The following RAPH1 variants were observed in gnomAD, a reference collection of about 807,000 sequenced individuals.
The protein encoded by RAPH1 is Ras association (RalGDS/AF-6) and pleckstrin homology domains 1.
RAPH1 carries 18 observed loss-of-function variants against 88.1 expected under a neutral mutation model. That is an observed-to-expected ratio of 0.20 (90% CI 0.14 to 0.30). The LOEUF is 0.30. RAPH1 is among the 10% of genes least tolerant of loss of function. The probability of loss-of-function intolerance (pLI) is 1.00; values close to 1 mark genes in which losing one functional copy is unlikely to be tolerated. For missense variants in RAPH1, 1,448 were observed against 1,543.2 expected, an observed-to-expected ratio of 0.94 and a Z score of 1.03; for synonymous variants, 587 against 559.0, an observed-to-expected ratio of 1.05 and a Z score of -0.71.
chr2:203,460,977 G>A (rs528017166), intron 6 of RAPH1, among the ~76,000 whole-genome samples: 47 of 151,980 alleles, frequency 3.1e-4, no homozygotes, highest in African/African-American at 9.6e-4. Flanking sequence ...TTAGCCAGGC[G>A]TGGTGGTGCA....
chr2:203,453,260 T>C (rs908691455), intron 10 of RAPH1, among the ~76,000 whole-genome samples: 4 of 152,044 alleles, frequency 2.6e-5, no homozygotes, highest in African/African-American at 9.7e-5. Context: ...AAGGTTACCA[T>C]TATGGCCAGG....
At position 203,439,588 on chromosome 2, in the gene RAPH1, G is replaced by T. The variant is rs867325450; in HGVS notation, c.3602C>A (p.Ala1201Glu). The T allele has an allele frequency of 8.7e-6, 14 of 1,614,154 alleles. No individual in the cohort carries two copies. The Middle Eastern group carries it at 2.3e-3, about 266-fold the overall frequency. Residue 1201 changes from alanine to glutamate, a missense_variant, in exon 14 of 14, where the codon GCA (alanine) becomes GAA (glutamate). By Grantham distance (107) the Ala-to-Glu change is moderately radical. Coordinates refer to ENST00000319170, the MANE Select transcript of RAPH1 (RefSeq NM_213589.3). ...AEPTATMDDMALPPPPPELLS... is the reference protein window; with the variant it reads ...AEPTATMDDMELPPPPPELLS... ...CAGTTCAGGGGGTGGTGGAGGCAAT[G>T]CCATATCATCCATGGTGGCTGTTGG...
At chr2:203,524,721 G>A (rs954522426) in intron 1 of RAPH1, among the ~76,000 whole-genome samples, 4 of 152,254 alleles carry the variant, frequency 2.6e-5, no homozygotes, top group African/African-American at 7.2e-5. Flanking sequence ...AGGGGTAGAG[G>A]GGGACAAATT....
chr2:203,512,718 G>A (rs946346568), intron 1 of RAPH1, among the ~76,000 whole-genome samples: 3 of 150,564 alleles, frequency 2.0e-5, no homozygotes, highest in African/African-American at 7.4e-5. Flanking sequence ...CGCCTCCCAG[G>A]TTCAAGCGAT....
At chr2:203,525,172 T>C (rs1690057558) in intron 1 of RAPH1, among the ~76,000 whole-genome samples, 1 of 152,216 alleles carries the variant, frequency 6.6e-6, no homozygotes, top group African/African-American at 2.4e-5. Context: ...ATAAGAAATC[T>C]GGTATATTAA....
Position 203,444,956 on chromosome 2 carries a change from G to C in RAPH1, c.1688C>G (p.Pro563Arg). The change falls in exon 13 of 14, where the codon CCA (proline) becomes CGA (arginine). Residue 563 changes from proline (P) to arginine (R), a missense_variant. By Grantham distance (103) the Pro-to-Arg change is moderately radical (BLOSUM62 -2). Coordinates refer to ENST00000319170, the MANE Select transcript of RAPH1 (RefSeq NM_213589.3). ...QSDSGVSDTQPAGHVRSQSIV... is the reference protein window; with the variant it reads ...QSDSGVSDTQRAGHVRSQSIV... ...GCTCTGGGAACGGACGTGTCCTGCT[G>C]GCTGGGTGTCAGAAACTCCGCTATC... is the stretch of plus-strand genomic sequence containing the variant. The C allele has an allele frequency of 6.2e-7, 1 of 1,614,092 alleles. No homozygotes were observed. Among genetic ancestry groups the C allele is most frequent in the South Asian group, 1.1e-5 (1 of 91,082 alleles).
Position 203,438,253 on chromosome 2 carries a change from T to C in RAPH1, c.*1184A>G, listed in dbSNP as rs2098500094. ...GTAGTCCCATACTTAATGAGCTTTT[T>C]GTATTACATATTATAACCCATATAC... is the stretch of plus-strand genomic sequence containing the variant. On this transcript the variant is annotated 3_prime_UTR_variant, in exon 14 of 14. Transcript: ENST00000319170. The C allele has an allele frequency of 2.0e-6, 1 of 497,024 alleles. No homozygotes were observed. Among genetic ancestry groups the C allele is most frequent in the South Asian group, 1.5e-5 (1 of 67,732 alleles). 30.8% of individuals were successfully genotyped at this position (497,024 alleles called of 1,614,324 possible). A position where few individuals can be genotyped will look rare whatever the true frequency, so the allele number is the denominator to read the frequency against.
chr2:203,441,674 C>A, intron 13 of RAPH1: 3 of 1,303,120 alleles, frequency 2.3e-6, no homozygotes, highest in Middle Eastern at 2.9e-4. Flanking sequence ...GAAAAATGTC[C>A]GGCTGCAAAA....
chr2:203,494,982 ATATAT>A (rs1173883577), intron 2 of RAPH1, among the ~76,000 whole-genome samples: 2 of 152,180 alleles, frequency 1.3e-5, no homozygotes, highest in Non-Finnish European at 2.9e-5. Flanking sequence ...TTTATGAAAC[ATATAT>A]TAAGTAACCC....
intron 1 of RAPH1, among the ~76,000 whole-genome samples, chr2:203,506,858 A>ATATATCTATCTATATC (rs1559494846): frequency 1.5e-5 from 1 of 66,580 alleles, no homozygotes; most frequent in Non-Finnish European, 2.9e-5. Flanking sequence ...ATCTATATCT[A>ATATATCTATCTATATC]TATATATATA....
rs1581257634 is a variant in RAPH1 at position 203,448,202 on chromosome 2, T to C, written c.1513-123A>G. ...TGGTCTGTATTAAAATTAATACCTATGATAGTTCAAAAATTCCTCTAATAC... is the reference window on the plus strand; with the variant it reads ...TGGTCTGTATTAAAATTAATACCTACGATAGTTCAAAAATTCCTCTAATAC... On this transcript the variant is annotated intron_variant, in intron 11 of 13. Transcript: ENST00000319170. The surrounding 1 kb of genome is among the most constrained non-coding windows in gnomAD (Gnocchi z 4.1). The C allele has an allele frequency of 3.7e-6, 3 of 808,790 alleles. No homozygotes were observed. The highest frequency in any genetic ancestry group is 2.8e-5 in the South Asian group (1 of 35,512). 50.1% of individuals were successfully genotyped at this position (808,790 alleles called of 1,614,324 possible). A position where few individuals can be genotyped will look rare whatever the true frequency, so the allele number is the denominator to read the frequency against.
intron 1 of RAPH1, among the ~76,000 whole-genome samples, chr2:203,515,076 A>G (rs537886612): frequency 5.2e-4 from 79 of 152,290 alleles, no homozygotes; most frequent in African/African-American, 1.8e-3. Context: ...CTAGGGGTAC[A>G]ATACTCCAGT....
chr2:203,529,469 C>T (rs1303880692), intron 1 of RAPH1, among the ~76,000 whole-genome samples: 1 of 152,176 alleles, frequency 6.6e-6, no homozygotes, highest in Non-Finnish European at 1.5e-5. Context: ...TCAAGCAATT[C>T]TCCTGCCTCA....
chr2:203,526,137 AT>A (rs1298739659), intron 1 of RAPH1, among the ~76,000 whole-genome samples: 1 of 152,216 alleles, frequency 6.6e-6, no homozygotes, highest in African/African-American at 2.4e-5. Flanking sequence ...ATAATGCAAA[AT>A]TCAAATTTAG....
intron 4 of RAPH1, among the ~76,000 whole-genome samples, chr2:203,470,867 TTTA>T (rs1309631976): frequency 5.9e-5 from 9 of 152,212 alleles, no homozygotes; most frequent in Admixed American, 1.3e-4. Context: ...TCAGTAAAAC[TTTA>T]TTAACCCACT....
At chr2:203,452,919 CAG>C (rs2098516066) in intron 10 of RAPH1, among the ~76,000 whole-genome samples, 1 of 152,234 alleles carries the variant, frequency 6.6e-6, no homozygotes, top group South Asian at 2.1e-4. Flanking sequence ...GCCAGGGAGA[CAG>C]AGTGAGACTG....
At chr2:203,455,616 C>T (rs374347486) in intron 8 of RAPH1, 36 bp from the exon 9 acceptor site, 60 of 1,595,504 alleles carry the variant, frequency 3.8e-5, no homozygotes, top group Non-Finnish European at 5.0e-5. Context: ...GACTTATGAT[C>T]GTTGGATTCT....
chr2:203,518,633 G>T (rs1034344325), intron 1 of RAPH1, among the ~76,000 whole-genome samples: 3 of 151,934 alleles, frequency 2.0e-5, no homozygotes, highest in African/African-American at 7.3e-5. Flanking sequence ...ATTGCTTGAG[G>T]CCAGGAGTTC....
rs144396705 is a variant in RAPH1 at position 203,440,010 on chromosome 2, G to A, written c.3180C>T (p.Ser1060=). The change falls in exon 14 of 14, where the codon TCC becomes TCT. Residue 1060 remains serine, a synonymous_variant. Coordinates refer to ENST00000319170, the MANE Select transcript of RAPH1 (RefSeq NM_213589.3). ...ATGGAGGAGAAGGAAATTCCACCAC[G>A]GAGTCCTTTCCACGCCCACTCAGAA... The part of the protein sequence containing the change: ...APVLSGRGKD[S]VVEFPSPPSD... 2.5e-4 allele frequency: 406 copies of A among 1,613,546 alleles called. No homozygotes were observed. Among genetic ancestry groups the A allele is most frequent in the Non-Finnish European group, 2.2e-4 (263 of 1,179,998 alleles).
Sources: allele counts gnomAD v4.1 joint callset (sites outside exome capture counted in the v4.1 genomes callset), GRCh38; gene constraint gnomAD v4.1.1; non-coding constraint Gnocchi (gnomAD v3.1); transcripts MANE v1.5; gene names NCBI Gene and HGNC (gene_info 2026-07-23, HGNC 2026-07-21).